The following RARB variants were observed in gnomAD, a reference collection of about 807,000 sequenced individuals.
RARB encodes the protein retinoic acid receptor beta.
RARB carries 17 observed loss-of-function variants against 51.9 expected under a neutral mutation model. The observed-to-expected ratio is 0.33, with a 90% CI of 0.22 to 0.49. RARB has a LOEUF of 0.49. Ranked by LOEUF, RARB falls within the 20% of genes least tolerant of loss-of-function variation. The probability of loss-of-function intolerance (pLI) is 0.99; values close to 1 mark genes in which losing one functional copy is unlikely to be tolerated. For missense variants in RARB, 369 were observed against 550.8 expected (o/e 0.67, Z 3.30); for synonymous variants, 215 against 195.4 (o/e 1.10, Z -0.84).
At chr3:24,903,645 C>T (rs544873971) in intron 2 of RARB, among the ~76,000 whole-genome samples, 3 of 152,260 alleles carry the variant, frequency 2.0e-5, no homozygotes, top group South Asian at 4.1e-4. Flanking sequence ...CTGCTCTGAT[C>T]TTGTCCAATA....
chr3:25,335,765 C>G (rs1197533663), intron 5 of RARB, among the ~76,000 whole-genome samples: 1 of 152,206 alleles, frequency 6.6e-6, no homozygotes, highest in African/African-American at 2.4e-5. Context: ...CTCTGACAAC[C>G]TCATCTATTA....
At chr3:25,017,221 C>G (rs1448824891) in intron 2 of RARB, among the ~76,000 whole-genome samples, 2 of 142,026 alleles carry the variant, frequency 1.4e-5, no homozygotes, top group East Asian at 3.9e-4. Context: ...TTCCCCCCCC[C>G]TTTCAGAACC....
At chr3:25,107,141 T>C (rs1699521978) in intron 3 of RARB, among the ~76,000 whole-genome samples, 1 of 152,208 alleles carries the variant, frequency 6.6e-6, no homozygotes, top group Non-Finnish European at 1.5e-5. Context: ...CCTCAGGTGA[T>C]CTACCTGCCT....
At chr3:25,579,075 T>C (rs2125302936) in intron 4 of RARB, among the ~76,000 whole-genome samples, 1 of 152,352 alleles carries the variant, frequency 6.6e-6, no homozygotes, top group South Asian at 2.1e-4. Context: ...TAAAATGATC[T>C]CTAACACCTA....
At chr3:25,159,415 C>CCCCG (rs1553638601) in intron 4 of RARB, among the ~76,000 whole-genome samples, 13 of 150,802 alleles carry the variant, frequency 8.6e-5, no homozygotes, top group Non-Finnish European at 4.4e-5. Context: ...ATGATCCACC[C>CCCCG]CCCCCGCTCC....
At chr3:24,879,422 C>G (rs531255656) in intron 2 of RARB, among the ~76,000 whole-genome samples, 2 of 140,024 alleles carry the variant, frequency 1.4e-5, no homozygotes, top group East Asian at 4.1e-4. Flanking sequence ...GAGCAAGACT[C>G]TGTCTCAAAA....
chr3:25,465,101 T>G (rs899469750), intron 2 of RARB, among the ~76,000 whole-genome samples: 2 of 152,300 alleles, frequency 1.3e-5, no homozygotes, highest in Admixed American at 1.3e-4. Context: ...GATCACTGGC[T>G]TTGTATATTT....
intron 5 of RARB, among the ~76,000 whole-genome samples, chr3:25,201,950 A>G (rs1701402646): frequency 1.3e-5 from 2 of 152,190 alleles, no homozygotes; most frequent in South Asian, 2.1e-4. Flanking sequence ...CTGGCCTCGT[A>G]AAATGAGTTA....
At chr3:24,940,439 T>A (rs747154321) in intron 2 of RARB, among the ~76,000 whole-genome samples, 2 of 112,786 alleles carry the variant, frequency 1.8e-5, no homozygotes, top group Admixed American at 7.6e-5. Flanking sequence ...ATTTCCTCTT[T>A]TTACAACAAG....
chr3:25,424,746 T>C (rs911861621), upstream of RARB, among the ~76,000 whole-genome samples: 1 of 152,118 alleles, frequency 6.6e-6, no homozygotes, highest in African/African-American at 2.4e-5. Context: ...TAGCCCAATT[T>C]TGAACACAGC....
At chr3:25,266,280 C>T (rs143114183) in intron 5 of RARB, among the ~76,000 whole-genome samples, 5 of 152,086 alleles carry the variant, frequency 3.3e-5, no homozygotes, top group South Asian at 2.1e-4. Context: ...TCTAGCCCTT[C>T]GGAATCCAAA....
At chr3:25,269,890 T>C (rs1356961745) in intron 5 of RARB, among the ~76,000 whole-genome samples, 14 of 152,262 alleles carry the variant, frequency 9.2e-5, no homozygotes, top group South Asian at 2.1e-4. Flanking sequence ...CAAATGGTCA[T>C]TAAGCATACG....
intron 2 of RARB, among the ~76,000 whole-genome samples, chr3:24,873,173 G>T (rs1702979320): frequency 1.3e-5 from 2 of 152,134 alleles, no homozygotes; most frequent in African/African-American, 2.4e-5. Context: ...TTCTACATTT[G>T]ATTTATTATG....
chr3:25,456,766 G>A (rs1441363021), intron 1 of RARB, among the ~76,000 whole-genome samples: 2 of 147,742 alleles, frequency 1.4e-5, no homozygotes, highest in African/African-American at 2.5e-5. Context: ...TTCCAAAGAT[G>A]ATTTTTTTTG....
chr3:24,898,421 T>C (rs1703526022), intron 2 of RARB, among the ~76,000 whole-genome samples: 3 of 151,626 alleles, frequency 2.0e-5, no homozygotes, highest in Non-Finnish European at 4.4e-5. Flanking sequence ...GTGTTAGCAT[T>C]GAAATTATCA....
chr3:25,383,744 A>T (rs527317378), intron 5 of RARB, among the ~76,000 whole-genome samples: 2 of 151,990 alleles, frequency 1.3e-5, no homozygotes, highest in East Asian at 3.9e-4. Flanking sequence ...TCTGGCCAAC[A>T]TGGTGAAACC....
In RARB at chr3:25,106,458, G is replaced by GT. The variant is rs1330251701; in HGVS notation, c.-327-25694dup. On this transcript the variant is annotated intron_variant, in intron 3 of 11. Transcript: ENST00000383772. The stretch of plus-strand genomic sequence containing the variant: ...GCCCAGCTACTGTTTTTTGTTTTTT[G>GT]TTTTTTTTTGTTTTGTTTTTTTTTT... Among the ~76,000 whole-genome samples the GT allele has an allele frequency of 1.5e-4, 16 of 107,858 alleles. 1 individual carries two copies. The highest frequency in any genetic ancestry group is 5.1e-4 in the African/African-American group (13 of 25,324). The allele number at this position is 107,858 out of a possible 152,430, so 70.8% of individuals were successfully genotyped here.
chr3:25,536,372 A>C (rs113549974), intron 3 of RARB, among the ~76,000 whole-genome samples: 2 of 151,628 alleles, frequency 1.3e-5, no homozygotes. Flanking sequence ...TAAAGTGTGC[A>C]TGCCTCAGAA....
intron 4 of RARB, among the ~76,000 whole-genome samples, chr3:25,169,293 C>G (rs1700605852): frequency 6.6e-6 from 1 of 152,138 alleles, no homozygotes; most frequent in Admixed American, 6.5e-5. Context: ...ATAGAAAGTC[C>G]TAGTCTGACA....
Sources: allele counts gnomAD v4.1 joint callset (sites outside exome capture counted in the v4.1 genomes callset), GRCh38; gene constraint gnomAD v4.1.1; transcripts MANE v1.5; gene names NCBI Gene and HGNC (gene_info 2026-07-23, HGNC 2026-07-21).